PREPL: variants seen among roughly 807,000 people sequenced by gnomAD.
PREPL encodes prolyl endopeptidase-like.
PREPL carries 77 observed loss-of-function variants against 70.6 expected under a neutral mutation model. The ratio of observed to expected loss-of-function variants is 1.09; its 90% CI spans 0.91 to 1.32. PREPL has a LOEUF of 1.32. Ranked by LOEUF, PREPL falls within the 40% of genes most tolerant of loss-of-function variation. The pLI, the probability that PREPL is intolerant of heterozygous loss-of-function variation, is 0.00. For synonymous variants in PREPL, 315 were observed against 264.8 expected, an observed-to-expected ratio of 1.19 and a Z score of -1.84; for missense variants, 1,002 against 778.2, an observed-to-expected ratio of 1.29 and a Z score of -3.42.
At chr2:44,354,509 G>C (rs1676798982) in intron 1 of PREPL, among the ~76,000 whole-genome samples, 1 of 151,890 alleles carries the variant, frequency 6.6e-6, no homozygotes. Flanking sequence ...CCAAATTCCA[G>C]ACTCATATAT....
chr2:44,321,481 C>T, intron 13 of PREPL, 36 bp from the exon 14 acceptor site: 5 of 1,594,286 alleles, frequency 3.1e-6, no homozygotes, highest in Non-Finnish European at 4.3e-6. Flanking sequence ...AAATAGAAGG[C>T]CTTTGTAGTA....
Position 44,349,220 on chromosome 2 carries a change from G to A in PREPL, c.-48-2830C>T, listed in dbSNP as rs189649447. 3.2e-3 allele frequency among the ~76,000 whole-genome samples: 484 copies of A among 152,264 alleles called. 16 individuals are homozygous for A. Among genetic ancestry groups the A allele is most frequent in the East Asian group, 1.3e-3 (7 of 5,194 alleles). On this transcript the variant is annotated intron_variant, in intron 1 of 13. Coordinates refer to ENST00000409411, the MANE Select transcript of PREPL (RefSeq NM_001171613.2). ...AAAAATGGTGAAGTAGAAAGACACC[G>A]GACAGCCCTTCAGTCAAGACTAATT...
intron 5 of PREPL, among the ~76,000 whole-genome samples, chr2:44,340,096 A>G (rs2103937631): frequency 6.6e-6 from 1 of 152,182 alleles, no homozygotes; most frequent in East Asian, 1.9e-4. Context: ...TTTTCTCCCT[A>G]CATGAGTTGA....
intron 5 of PREPL, among the ~76,000 whole-genome samples, chr2:44,341,090 C>G (rs1293115169): frequency 2.6e-5 from 4 of 151,946 alleles, no homozygotes; most frequent in East Asian, 3.8e-4. Context: ...TTTGTAATTT[C>G]TTATATTGAT....
At position 44,342,393 on chromosome 2, in the gene PREPL, G is replaced by T. The variant is rs114516258; in HGVS notation, c.485+24C>A. 9.2e-4 allele frequency: 1,456 copies of T among 1,574,612 alleles called. 13 individuals are homozygous for T. The African/African-American group carries it at 0.014, about 15-fold the overall frequency. ...ACTGGAGGAAGGTTCTGGAGAGAAA[G>T]ATTTAATTATATTATTCTAGTACCT... On this transcript the variant is annotated intron_variant, in intron 5 of 13. Coordinates refer to ENST00000409411, the MANE Select transcript of PREPL (RefSeq NM_001171613.2).
chr2:44,324,817 G>A (rs1673330120), intron 10 of PREPL, among the ~76,000 whole-genome samples: 1 of 152,146 alleles, frequency 6.6e-6, no homozygotes, highest in East Asian at 1.9e-4. Flanking sequence ...AGCCCCAGAG[G>A]TCGAGGCTGT....
intron 1 of PREPL, chr2:44,360,476 T>G (rs1349683521): frequency 6.6e-6 from 1 of 152,166 alleles, no homozygotes; most frequent in Non-Finnish European, 1.5e-5. Context: ...TTTTTAATGT[T>G]AAAAAGGTAT....
rs1329708434 is a variant in PREPL, at chr2:44,320,666, T to C, written c.*690A>G. The C allele has an allele frequency of 1.9e-6, 3 of 1,570,646 alleles. No individual in the cohort carries two copies. Among genetic ancestry groups the C allele is most frequent in the South Asian group, 1.1e-5 (1 of 90,074 alleles). On this transcript the variant is annotated 3_prime_UTR_variant, in exon 14 of 14. Coordinates refer to ENST00000409411, the MANE Select transcript of PREPL (RefSeq NM_001171613.2). ...CACCTTTATGAAGAGATGAAGACAC[T>C]GGCATTTCAGTGGGATTGTAAGCAT... is the stretch of plus-strand genomic sequence containing the variant.
chr2:44,342,280 T>C, intron 5 of PREPL, 137 bp downstream of exon 5: 1 of 717,488 alleles, frequency 1.4e-6, no homozygotes, highest in Non-Finnish European at 2.1e-6. Flanking sequence ...TACAAACAAC[T>C]AATAAAAGAA....
At position 44,320,122 on chromosome 2, in the gene PREPL, C is replaced by G; in HGVS notation, c.*1234G>C. The G allele has an allele frequency of 1.3e-5, 17 of 1,310,908 alleles. No individual in the cohort carries two copies. The South Asian group carries it at 2.1e-4, about 16-fold the overall frequency. 81.2% of individuals were successfully genotyped at this position (1,310,908 alleles called of 1,614,324 possible). On this transcript the variant is annotated 3_prime_UTR_variant, in exon 14 of 14. Transcript: ENST00000409411. ...GAGCAAGTGTTTTGGGTAAATAACT[C>G]CTTACAATATATTAAAAATACTTAC...
chr2:44,333,031 T>C (rs1010034250), intron 7 of PREPL, among the ~76,000 whole-genome samples: 2 of 152,158 alleles, frequency 1.3e-5, no homozygotes, highest in Non-Finnish European at 2.9e-5. Context: ...AAGATCTCTG[T>C]TCTCAAAGAA....
At chr2:44,343,424 A>G (rs759160342) in intron 4 of PREPL, among the ~76,000 whole-genome samples, 4 of 152,228 alleles carry the variant, frequency 2.6e-5, no homozygotes, top group Non-Finnish European at 5.9e-5. Context: ...GTTGAATAAA[A>G]TATTAAGATG....
At position 44,359,518 on chromosome 2, in the gene PREPL, T is replaced by G; in HGVS notation, c.-49+1862A>C. 10 of 1,611,450 alleles carry G rather than the reference T, an allele frequency of 6.2e-6. No homozygotes were observed. Among genetic ancestry groups the G allele is most frequent in the Non-Finnish European group, 8.5e-6 (10 of 1,177,816 alleles). On this transcript the variant is annotated intron_variant, in intron 1 of 13. Transcript: ENST00000409411. Reference sequence around the variant, plus strand: ...ATACCTTACATGAGAAGCTCCGACTTGGGATGTTTCTTGCTAACTCTGATA... The same window carrying G: ...ATACCTTACATGAGAAGCTCCGACTGGGGATGTTTCTTGCTAACTCTGATA...
chr2:44,342,440 G>C lies in PREPL; in HGVS notation c.462C>G (p.Arg154=). 6.2e-7 allele frequency: 1 copy of C among 1,612,474 alleles called. No individual in the cohort carries two copies. The change falls in exon 5 of 14, where the codon CGC becomes CGG. Residue 154 remains arginine (R), a synonymous_variant. Coordinates refer to ENST00000409411, the MANE Select transcript of PREPL (RefSeq NM_001171613.2). The part of the protein sequence containing the change: ...ATFGDNKRNE[R]FYTEKDPSYF... ...ACCTTGGGTCTTTTTCTGTGTAAAA[G>C]CGTTCATTACGTTTGTTATCACCAA... is the stretch of plus-strand genomic sequence containing the variant.
chr2:44,323,173 C>G lies in PREPL; in HGVS notation c.1629+89G>C, dbSNP rs200761783. On this transcript the variant is annotated intron_variant, in intron 11 of 13. Coordinates refer to ENST00000409411, the MANE Select transcript of PREPL (RefSeq NM_001171613.2). Reference sequence around the variant, plus strand: ...ATCATAAGTAGAAACATCTCTAAAGCTCCTATTTTTGCTTCAGCTTGGATA... The same window carrying G: ...ATCATAAGTAGAAACATCTCTAAAGGTCCTATTTTTGCTTCAGCTTGGATA... 3 of 1,268,794 alleles carry G rather than the reference C, an allele frequency of 2.4e-6. No individual in the cohort carries two copies. The East Asian group carries it at 7.2e-5, about 30-fold the overall frequency. The allele number at this position is 1,268,794 out of a possible 1,614,324, so 78.6% of individuals were successfully genotyped here. A position where few individuals can be genotyped will look rare whatever the true frequency, so the allele number is the denominator to read the frequency against.
chr2:44,343,781 C>A lies in PREPL; in HGVS notation c.313G>T (p.Val105Leu), dbSNP rs763621305. The A allele has an allele frequency of 2.5e-6, 4 of 1,613,908 alleles. No homozygotes were observed. The highest frequency in any genetic ancestry group is 2.2e-5 in the East Asian group (1 of 44,866). ...CVIIKLSDQP[V>L]MEASFPNVSS... Reference sequence around the variant, plus strand: ...ACATTCGGGAAAGAAGCTTCCATTACGGGCTGATCGCTGAGCTTTATAATT... The same window carrying A: ...ACATTCGGGAAAGAAGCTTCCATTAAGGGCTGATCGCTGAGCTTTATAATT... The change falls in exon 4 of 14, where the codon GTA becomes TTA. Residue 105 changes from valine to leucine, a missense_variant. Coordinates refer to ENST00000409411, the MANE Select transcript of PREPL (RefSeq NM_001171613.2).
chr2:44,343,707 C>G, intron 4 of PREPL, 38 bp downstream of exon 4: 1 of 1,556,556 alleles, frequency 6.4e-7, no homozygotes, highest in Non-Finnish European at 8.8e-7. Context: ...GTTACCGTTG[C>G]CTTTCAACAC....
chr2:44,320,345 C>A lies in PREPL; in HGVS notation c.*1011G>T. The A allele has an allele frequency of 6.2e-7, 1 of 1,614,124 alleles. No individual in the cohort carries two copies. Among genetic ancestry groups the A allele is most frequent in the Non-Finnish European group, 8.5e-7 (1 of 1,179,972 alleles). ...TTGTGTACACAAGAGAGCTGGATGG[C>A]ATCGACAGAATCTTTATCGTGGTTC... is the stretch of plus-strand genomic sequence containing the variant. On this transcript the variant is annotated 3_prime_UTR_variant, in exon 14 of 14. Coordinates refer to ENST00000409411, the MANE Select transcript of PREPL (RefSeq NM_001171613.2).
chr2:44,321,577 G>T, intron 13 of PREPL, 132 bp from the exon 14 acceptor site: 1 of 1,494,880 alleles, frequency 6.7e-7, no homozygotes, highest in Non-Finnish European at 8.9e-7. Context: ...ACTTTCATTC[G>T]AGAGAGAGGC....
Sources: allele counts gnomAD v4.1 joint callset (sites outside exome capture counted in the v4.1 genomes callset), GRCh38; gene constraint gnomAD v4.1.1; transcripts MANE v1.5; gene names NCBI Gene and HGNC (gene_info 2026-07-23, HGNC 2026-07-21).